Variants in ZNF574 observed in about 807,000 individuals in gnomAD.
The protein encoded by ZNF574 is zinc finger protein 574.
Under a neutral mutation model 56.6 loss-of-function variants are expected in ZNF574, and 25 were observed. That is an observed-to-expected ratio of 0.44 (90% CI 0.32 to 0.62). The LOEUF (loss-of-function observed/expected upper bound fraction) is 0.62, where lower values mean the gene tolerates loss of function less well. Ranked by LOEUF, ZNF574 falls within the 20% of genes least tolerant of loss-of-function variation. The pLI is 0.04. For missense variants in ZNF574, 1,065 were observed against 1,218.9 expected (o/e 0.87, Z 1.88); for synonymous variants, 543 against 492.1 (o/e 1.10, Z -1.37).
chr19:42,080,273 G>A lies in ZNF574; in HGVS notation c.1667G>A (p.Cys556Tyr). The stretch of plus-strand genomic sequence containing the variant: ...GAGCGGCCCTACCGGTGTGGGGACT[G>A]TGGCAAGGCTTTCACGCAAAGCTCC... ...TGERPYRCGD[C>Y]GKAFTQSSTL... The change falls in exon 2 of 2, where the codon TGT becomes TAT. Residue 556 changes from cysteine to tyrosine, a missense_variant. Coordinates refer to ENST00000359044, the MANE Select transcript of ZNF574 (RefSeq NM_022752.6). The surrounding 1 kb of genome is among the most constrained non-coding windows in gnomAD (Gnocchi z 8.5). 2 of 1,614,184 alleles carry A rather than the reference G, an allele frequency of 1.2e-6. No individual in the cohort carries two copies. Among genetic ancestry groups the A allele is most frequent in the Non-Finnish European group, 1.7e-6 (2 of 1,180,028 alleles).
At position 42,079,726 on chromosome 19, in the gene ZNF574, G is replaced by A. The variant is rs144098842; in HGVS notation, c.1120G>A (p.Gly374Ser). 1.1e-5 allele frequency: 18 copies of A among 1,613,918 alleles called. No individual in the cohort carries two copies. Among genetic ancestry groups the A allele is most frequent in the African/African-American group, 4.0e-5 (3 of 74,886 alleles). Reference protein sequence around the residue: ...FLCVDCGLAFGTEALLLAHRR... With the variant: ...FLCVDCGLAFSTEALLLAHRR... Reference sequence around the variant, plus strand: ...GTGTGTAGACTGTGGCCTGGCCTTCGGCACAGAGGCCCTCCTCCTGGCCCA... The same window carrying A: ...GTGTGTAGACTGTGGCCTGGCCTTCAGCACAGAGGCCCTCCTCCTGGCCCA... Residue 374 changes from glycine (G) to serine (S), a missense_variant, in exon 2 of 2, where the codon GGC becomes AGC. Transcript: ENST00000359044. The surrounding 1 kb of genome is among the most constrained non-coding windows in gnomAD (Gnocchi z 4.3).
upstream of ZNF574, among the ~76,000 whole-genome samples, chr19:42,073,039 T>G (rs1199985665): frequency 6.6e-6 from 1 of 152,246 alleles, no homozygotes; most frequent in African/African-American, 2.4e-5. Context: ...GAGCCTAGCT[T>G]TAGCTCACTA....
At position 42,080,955 on chromosome 19, in the gene ZNF574, C is replaced by T; in HGVS notation, c.2349C>T (p.Asp783=). ...TCCGTCAGAGTACCCACCTGAAAGA[C>T]CACCGGCGCCTGCACACAGGTGAGC... The part of the protein sequence containing the change: ...KAFRQSTHLK[D]HRRLHTGERP... The change falls in exon 2 of 2, where the codon GAC becomes GAT. Residue 783 remains aspartate (D), a synonymous_variant. Transcript: ENST00000359044. The surrounding 1 kb of genome is among the most constrained non-coding windows in gnomAD (Gnocchi z 8.5). The T allele has an allele frequency of 1.2e-6, 2 of 1,613,986 alleles. No homozygotes were observed. Among genetic ancestry groups the T allele is most frequent in the East Asian group, 2.2e-5 (1 of 44,886 alleles).
chr19:42,077,792 G>A (rs1408442530), intron 1 of ZNF574, among the ~76,000 whole-genome samples: 2 of 152,132 alleles, frequency 1.3e-5, no homozygotes, highest in Non-Finnish European at 2.9e-5. Flanking sequence ...TGGATAGGGG[G>A]TTAGGGTTGT....
chr19:42,069,746 G>T (rs1000571702), intron 1 of ZNF574, among the ~76,000 whole-genome samples: 1 of 151,200 alleles, frequency 6.6e-6, no homozygotes, highest in African/African-American at 2.4e-5. Context: ...GGAGGGGGCC[G>T]CCCCCTTTCC....
rs1281632366 is a variant in ZNF574 at position 42,081,045 on chromosome 19, C to T, written c.2439C>T (p.Arg813=). ...TCTCCATGCGCCTGGCAGAACATCGCCGCATCCACACAGGCGAACGACCCT... is the reference window on the plus strand; with the variant it reads ...TCTCCATGCGCCTGGCAGAACATCGTCGCATCCACACAGGCGAACGACCCT... ...FAISMRLAEH[R]RIHTGERPYS... The change falls in exon 2 of 2, where the codon CGC becomes CGT. Residue 813 remains arginine, a synonymous_variant. Coordinates refer to ENST00000359044, the MANE Select transcript of ZNF574 (RefSeq NM_022752.6). 5.6e-6 allele frequency: 9 copies of T among 1,614,082 alleles called. No individual in the cohort carries two copies. The African/African-American group carries it at 1.1e-4, about 19-fold the overall frequency.
At position 42,080,847 on chromosome 19, in the gene ZNF574, C is replaced by G. The variant is rs1368699233; in HGVS notation, c.2241C>G (p.Phe747Leu). 1.2e-6 allele frequency: 2 copies of G among 1,614,010 alleles called. No homozygotes were observed. Among genetic ancestry groups the G allele is most frequent in the African/African-American group, 2.7e-5 (2 of 74,952 alleles). ...GLECSECKKL[F>L]STETSLQVHR... ...AGTGCAGCGAGTGCAAGAAGCTGTT[C>G]AGCACAGAGACGTCACTGCAGGTGC... Residue 747 changes from phenylalanine to leucine, a missense_variant, in exon 2 of 2, where the codon TTC (phenylalanine) becomes TTG (leucine). Coordinates refer to ENST00000359044, the MANE Select transcript of ZNF574 (RefSeq NM_022752.6). This position sits in a 1 kb window ranked among gnomAD's most constrained non-coding sequence, Gnocchi z 8.5.
chr19:42,079,818 CAAG>C lies in ZNF574; in HGVS notation c.1213_1215del (p.Lys405del). ...GTGGGAAGACCTTTGTCAACCTTACCAAGTTCCTTTATCACCGGCGTACTCATG... is the reference window on the plus strand; with the variant it reads ...GTGGGAAGACCTTTGTCAACCTTACCTTCCTTTATCACCGGCGTACTCATG... On this transcript the variant is annotated inframe_deletion, in exon 2 of 2. Transcript: ENST00000359044. The surrounding 1 kb of genome is among the most constrained non-coding windows in gnomAD (Gnocchi z 4.3). The C allele has an allele frequency of 6.2e-7, 1 of 1,614,200 alleles. No homozygotes were observed.
intron 1 of ZNF574, among the ~76,000 whole-genome samples, chr19:42,076,995 G>A (rs774842475): frequency 2.4e-4 from 36 of 152,126 alleles, no homozygotes; most frequent in Non-Finnish European, 4.4e-4. Flanking sequence ...ATGAGCTGGG[G>A]AAGGTAGTCT....
intron 1 of ZNF574, among the ~76,000 whole-genome samples, chr19:42,077,059 G>T (rs1299153069): frequency 6.6e-6 from 1 of 152,070 alleles, no homozygotes; most frequent in Non-Finnish European, 1.5e-5. Flanking sequence ...GTTATTGGAA[G>T]GGGAGGAAGT....
At chr19:42,072,379 C>G (rs997290201), upstream of ZNF574, among the ~76,000 whole-genome samples, 1 of 151,200 alleles carries the variant, frequency 6.6e-6, no homozygotes, top group African/African-American at 2.4e-5. Flanking sequence ...GTACTACAGG[C>G]GCCCACCACC....
rs1265822960 is a variant in ZNF574 at position 42,079,027 on chromosome 19, T to G, written c.421T>G (p.Trp141Gly). The change falls in exon 2 of 2, where the codon TGG (tryptophan) becomes GGG (glycine). Residue 141 changes from tryptophan (W) to glycine (G), a missense_variant. Coordinates refer to ENST00000359044, the MANE Select transcript of ZNF574 (RefSeq NM_022752.6). The surrounding 1 kb of genome is among the most constrained non-coding windows in gnomAD (Gnocchi z 4.3). ...GGCTCTCTTTGCCAGCCAGGAGCTC[T>G]GGCTGAACCACCGGCAGACGCACCT... Reference protein sequence around the residue: ...CKALFASQELWLNHRQTHLRA... With the variant: ...CKALFASQELGLNHRQTHLRA... 6.2e-7 allele frequency: 1 copy of G among 1,614,016 alleles called. No individual in the cohort carries two copies. Among genetic ancestry groups the G allele is most frequent in the Non-Finnish European group, 8.5e-7 (1 of 1,180,004 alleles).
intron 1 of ZNF574, chr19:42,069,315 T>G (rs2076389935): frequency 1.4e-5 from 2 of 145,292 alleles, no homozygotes; most frequent in Admixed American, 6.9e-5. Context: ...TGGCGCTGGG[T>G]GGTGGTGGGG....
Position 42,080,870 on chromosome 19 carries a change from T to G in ZNF574, c.2264T>G (p.Val755Gly). 6.2e-7 allele frequency: 1 copy of G among 1,613,820 alleles called. No homozygotes were observed. Among genetic ancestry groups the G allele is most frequent in the Non-Finnish European group, 8.5e-7 (1 of 1,179,936 alleles). Residue 755 changes from valine (V) to glycine (G), a missense_variant, in exon 2 of 2, where the codon GTG (valine) becomes GGG (glycine). Coordinates refer to ENST00000359044, the MANE Select transcript of ZNF574 (RefSeq NM_022752.6). This position sits in a 1 kb window ranked among gnomAD's most constrained non-coding sequence, Gnocchi z 8.5. Reference protein sequence around the residue: ...KLFSTETSLQVHRRIHTGERP... With the variant: ...KLFSTETSLQGHRRIHTGERP... ...TTCAGCACAGAGACGTCACTGCAGG[T>G]GCACCGGCGCATCCACACAGGTGAG...
At chr19:42,072,506 G>C (rs772414851), upstream of ZNF574, among the ~76,000 whole-genome samples, 1 of 151,306 alleles carries the variant, frequency 6.6e-6, no homozygotes, top group East Asian at 1.9e-4. Flanking sequence ...AAAGTGCTGG[G>C]ATTACAGGCG....
At position 42,081,538 on chromosome 19, in the gene ZNF574, A is replaced by G. The variant is rs2076502577; in HGVS notation, c.*241A>G. On this transcript the variant is annotated 3_prime_UTR_variant, in exon 2 of 2. Transcript: ENST00000359044. ...CCCAAAAATGAAACCATCAATAAAG[A>G]CTGAGTTGCCAGCAGTGTGTAGAGT... 1.7e-6 allele frequency: 1 copy of G among 591,526 alleles called. No homozygotes were observed. 36.6% of individuals were successfully genotyped at this position (591,526 alleles called of 1,614,324 possible).
At chr19:42,072,807 C>A (rs2076433484), upstream of ZNF574, among the ~76,000 whole-genome samples, 1 of 152,152 alleles carries the variant, frequency 6.6e-6, no homozygotes. Flanking sequence ...ATCGGGTGAT[C>A]GGCCTGTCTC....
At chr19:42,077,736 C>T (rs1230247689) in intron 1 of ZNF574, among the ~76,000 whole-genome samples, 2 of 151,864 alleles carry the variant, frequency 1.3e-5, no homozygotes, top group African/African-American at 2.4e-5. Flanking sequence ...GGCCTAGGTC[C>T]GAAGCGGGGA....
chr19:42,071,787 T>C (rs188415008), upstream of ZNF574, among the ~76,000 whole-genome samples: 8 of 152,168 alleles, frequency 5.3e-5, no homozygotes, highest in East Asian at 1.4e-3. Flanking sequence ...GTGGACCACC[T>C]GAGGTTGGGA....
Sources: allele counts gnomAD v4.1 joint callset (sites outside exome capture counted in the v4.1 genomes callset), GRCh38; gene constraint gnomAD v4.1.1; non-coding constraint Gnocchi (gnomAD v3.1); transcripts MANE v1.5; gene names NCBI Gene and HGNC (gene_info 2026-07-23, HGNC 2026-07-21).